NAALADL2: variants seen among roughly 807,000 people sequenced by gnomAD.
The protein encoded by NAALADL2 is N-acetylated alpha-linked acidic dipeptidase like 2, also known as inactive N-acetylated-alpha-linked acidic dipeptidase-like protein 2.
A neutral mutation model predicts 87.2 loss-of-function variants in NAALADL2; 76 were observed. The observed-to-expected ratio is 0.87, with a 90% CI of 0.72 to 1.05. The LOEUF is 1.05. NAALADL2 is among the 50% of genes least tolerant of loss of function. The pLI, the probability that NAALADL2 is intolerant of heterozygous loss-of-function variation, is 0.00. For synonymous variants in NAALADL2, 354 were observed against 331.0 expected (o/e 1.07, Z -0.75); for missense variants, 1,089 against 945.8 (o/e 1.15, Z -1.99).
chr3:174,815,577 T>C (rs1212045407), intron 3 of NAALADL2, among the ~76,000 whole-genome samples: 1 of 152,144 alleles, frequency 6.6e-6, no homozygotes, highest in East Asian at 1.9e-4. Context: ...TACAGAAGCC[T>C]GCCATCATGC....
chr3:174,535,137 C>T (rs189222668), intron 1 of NAALADL2, among the ~76,000 whole-genome samples: 172 of 152,278 alleles, frequency 1.1e-3, no homozygotes, highest in Middle Eastern at 3.4e-3. Context: ...CTGAACATTA[C>T]CTGAAAATTA....
intron 1 of NAALADL2, among the ~76,000 whole-genome samples, chr3:175,065,792 A>G (rs905988426): frequency 1.3e-5 from 2 of 152,236 alleles, no homozygotes; most frequent in Admixed American, 1.3e-4. Context: ...AACCGTGTTC[A>G]CTGAACCCGA....
At chr3:175,199,723 C>T (rs1739522781) in intron 2 of NAALADL2, among the ~76,000 whole-genome samples, 1 of 144,904 alleles carries the variant, frequency 6.9e-6, no homozygotes, top group Non-Finnish European at 1.5e-5. Flanking sequence ...CTCTATATCT[C>T]ACATGTGTTT....
At chr3:174,901,528 G>C (rs1457426664) in intron 1 of NAALADL2, among the ~76,000 whole-genome samples, 1 of 152,290 alleles carries the variant, frequency 6.6e-6, no homozygotes, top group South Asian at 2.1e-4. Flanking sequence ...TGAAAACATA[G>C]CTTTAATGTG....
At chr3:175,780,027 G>A (rs1750802478) in intron 13 of NAALADL2, among the ~76,000 whole-genome samples, 1 of 152,014 alleles carries the variant, frequency 6.6e-6, no homozygotes, top group Non-Finnish European at 1.5e-5. Context: ...CCAGCACTCT[G>A]GGAGGCCGAG....
chr3:175,089,393 G>A (rs1719655578), intron 1 of NAALADL2, among the ~76,000 whole-genome samples: 1 of 152,140 alleles, frequency 6.6e-6, no homozygotes. Context: ...TAAAAGAGTA[G>A]GTTTTGAGAT....
intron 9 of NAALADL2, among the ~76,000 whole-genome samples, chr3:175,538,268 G>A (rs1028983829): frequency 6.6e-6 from 1 of 151,764 alleles, no homozygotes; most frequent in African/African-American, 2.4e-5. Flanking sequence ...TGACTTTAAT[G>A]TATACCTTTT....
At chr3:174,478,963 C>T (rs1307056429) in intron 1 of NAALADL2, among the ~76,000 whole-genome samples, 1 of 152,234 alleles carries the variant, frequency 6.6e-6, no homozygotes, top group Non-Finnish European at 1.5e-5. Flanking sequence ...CCTGCCTCAA[C>T]CTCCCAAAGT....
intron 1 of NAALADL2, among the ~76,000 whole-genome samples, chr3:174,964,704 A>T (rs1339915680): frequency 1.3e-5 from 2 of 152,072 alleles, no homozygotes; most frequent in African/African-American, 4.8e-5. Flanking sequence ...GTTTTACAAG[A>T]TGGCAGTCCT....
chr3:174,819,189 C>CAAGT (rs1414925637), intron 3 of NAALADL2, among the ~76,000 whole-genome samples: 2 of 149,156 alleles, frequency 1.3e-5, no homozygotes, highest in Non-Finnish European at 3.0e-5. Context: ...CTTAGTCTCC[C>CAAGT]AAGTAGCTGG....
At chr3:175,063,028 T>C (rs1248055049) in intron 1 of NAALADL2, among the ~76,000 whole-genome samples, 1 of 152,176 alleles carries the variant, frequency 6.6e-6, no homozygotes, top group Non-Finnish European at 1.5e-5. Context: ...ACTTAACATA[T>C]TTTTTTCTAC....
intron 2 of NAALADL2, among the ~76,000 whole-genome samples, chr3:174,653,156 A>G (rs907142629): frequency 5.6e-4 from 85 of 152,324 alleles, no homozygotes; most frequent in African/African-American, 1.9e-3. Flanking sequence ...TTATAGATGA[A>G]CATACACATA....
At chr3:175,105,650 C>G (rs1580472009) in intron 2 of NAALADL2, among the ~76,000 whole-genome samples, 1 of 43,156 alleles carries the variant, frequency 2.3e-5, no homozygotes. Context: ...CAGACACACA[C>G]ACACACACAC....
intron 5 of NAALADL2, among the ~76,000 whole-genome samples, chr3:175,388,677 C>A (rs971912836): frequency 6.6e-6 from 1 of 152,016 alleles, no homozygotes; most frequent in Non-Finnish European, 1.5e-5. Context: ...GACTGCCAGT[C>A]CTTTTTTCAC....
chr3:175,656,592 A>AT (rs137950286), intron 11 of NAALADL2, among the ~76,000 whole-genome samples: 4 of 151,996 alleles, frequency 2.6e-5, no homozygotes, highest in Non-Finnish European at 2.9e-5. Flanking sequence ...TTTAGAAAGT[A>AT]TTTTTTTTAA....
chr3:174,977,652 G>A (rs1744540802), intron 1 of NAALADL2, among the ~76,000 whole-genome samples: 1 of 152,084 alleles, frequency 6.6e-6, no homozygotes, highest in Non-Finnish European at 1.5e-5. Flanking sequence ...ACCTGCCCCA[G>A]CTTTCTTCCT....
At chr3:174,783,834 T>C (rs959353005) in intron 3 of NAALADL2, among the ~76,000 whole-genome samples, 1 of 152,016 alleles carries the variant, frequency 6.6e-6, no homozygotes, top group Non-Finnish European at 1.5e-5. Flanking sequence ...ATCAGAAGGT[T>C]TGGAGGACTT....
intron 8 of NAALADL2, 138 bp from the exon 9 acceptor site, chr3:175,471,498 AAAG>A: frequency 1.8e-5 from 10 of 546,856 alleles, no homozygotes; most frequent in East Asian, 7.2e-5. Context: ...AGAAAGAAAG[AAAG>A]AAAAAAAAAA....
intron 2 of NAALADL2, among the ~76,000 whole-genome samples, chr3:174,591,857 TTTTG>T (rs1364187314): frequency 5.3e-5 from 8 of 152,248 alleles, no homozygotes; most frequent in East Asian, 1.9e-4. Flanking sequence ...TGTTTTGGAT[TTTTG>T]TTTATTTTTA....
Sources: gnomAD v4.1 joint callset for allele counts (sites outside exome capture counted in the v4.1 genomes callset) on GRCh38, gnomAD v4.1.1 for gene constraint, MANE v1.5 for transcripts, NCBI Gene and HGNC (gene_info 2026-07-23, HGNC 2026-07-21) for gene names.